CCNDBP1: variants seen among roughly 807,000 people sequenced by gnomAD.
CCNDBP1 encodes cyclin-D1-binding protein 1.
A neutral mutation model predicts 46.2 loss-of-function variants in CCNDBP1; 45 were observed. The observed-to-expected ratio is 0.97, with a 90% CI of 0.77 to 1.25. CCNDBP1 has a LOEUF of 1.25. Among genes scored for constraint, CCNDBP1 ranks in the 50% most tolerant of loss-of-function variants. The probability of loss-of-function intolerance (pLI) is 0.00; values close to 1 mark genes in which losing one functional copy is unlikely to be tolerated. For synonymous variants in CCNDBP1, 154 were observed against 163.6 expected, an observed-to-expected ratio of 0.94 and a Z score of 0.45; for missense variants, 436 against 442.1, an observed-to-expected ratio of 0.99 and a Z score of 0.12.
In CCNDBP1 at chr15:43,192,771, C is replaced by T. The variant is rs751800914; in HGVS notation, c.889C>T (p.Pro297Ser). 34 of 1,613,962 alleles carry T rather than the reference C, an allele frequency of 2.1e-5. No individual in the cohort carries two copies. Among genetic ancestry groups the T allele is most frequent in the Non-Finnish European group, 2.6e-5 (31 of 1,179,996 alleles). Residue 297 changes from proline (P) to serine (S), a missense_variant, in exon 9 of 11, where the codon CCA (proline) becomes TCA (serine). Coordinates refer to ENST00000300213, the MANE Select transcript of CCNDBP1 (RefSeq NM_012142.5). Reference protein sequence around the residue: ...SVDDLALSIYPPMCHLTVRIN... With the variant: ...SVDDLALSIYSPMCHLTVRIN... ...GGATGATTTGGCTCTGAGCATATAT[C>T]CACCTATGTGTCACCTGACCGTGCG...
Position 43,185,462 on chromosome 15 carries a change from G to C in CCNDBP1, c.-37G>C, listed in dbSNP as rs1377925020. The C allele has an allele frequency of 6.7e-7, 1 of 1,486,780 alleles. No homozygotes were observed. The highest frequency in any genetic ancestry group is 1.9e-5 in the Admixed American group (1 of 51,764). 92.1% of individuals were successfully genotyped at this position (1,486,780 alleles called of 1,614,324 possible). A position where few individuals can be genotyped will look rare whatever the true frequency, so the allele number is the denominator to read the frequency against. On this transcript the variant is annotated 5_prime_UTR_variant, in exon 1 of 11. Transcript: ENST00000300213. ...GCAGTGCGGCTCCGGCAGTGGCAGC[G>C]GAGGCCTGTGTTTGCGGCCTTCGGC...
intron 10 of CCNDBP1, 51 bp from the exon 11 acceptor site, chr15:43,194,676 C>T (rs772611846): frequency 1.5e-5 from 21 of 1,394,910 alleles, no homozygotes; most frequent in Admixed American, 8.7e-5. Context: ...GATAGGTTTT[C>T]CCTTGACATC....
rs774754135 is a variant in CCNDBP1 at position 43,187,999 on chromosome 15, TTTG to T, written c.250-1185_250-1183del. Among the ~76,000 whole-genome samples the T allele has an allele frequency of 4.9e-4, 74 of 152,226 alleles. 1 individual carries two copies. Among genetic ancestry groups the T allele is most frequent in the South Asian group, 3.3e-3 (16 of 4,816 alleles). On this transcript the variant is annotated intron_variant, in intron 3 of 10. Transcript: ENST00000300213. ...AAAGATGGGTGGTTGTTGGTTTTTT[TTTG>T]TTGTTGTTGTTGTTTTTTAAATTCC...
intron 3 of CCNDBP1, among the ~76,000 whole-genome samples, chr15:43,187,187 T>C (rs2041865596): frequency 6.6e-6 from 1 of 152,162 alleles, no homozygotes; most frequent in Non-Finnish European, 1.5e-5. Flanking sequence ...TCAGTCTACA[T>C]ATATAGGTGT....
rs773610795 is a variant in CCNDBP1, at chr15:43,190,963, T to C, written c.503-3T>C. 3.1e-6 allele frequency: 5 copies of C among 1,613,000 alleles called. No homozygotes were observed. In the Admixed American group the frequency reaches 5.0e-5, roughly 16 times the overall value. On this transcript the variant is annotated splice_polypyrimidine_tract_variant and splice_region_variant and intron_variant, in intron 6 of 10. Coordinates refer to ENST00000300213, the MANE Select transcript of CCNDBP1 (RefSeq NM_012142.5). ...TCTAGTGCTTCTGATTTTTCACTCA[T>C]AGATAACAAAGCTGCAGCTCTTTTG...
At chr15:43,191,154 C>T in intron 7 of CCNDBP1, 112 bp downstream of exon 7, 2 of 898,000 alleles carry the variant, frequency 2.2e-6, no homozygotes, top group South Asian at 2.9e-5. Context: ...CACTACTGTC[C>T]TCTGTCTTCC....
At chr15:43,186,921 A>G (rs1442785548) in intron 3 of CCNDBP1, among the ~76,000 whole-genome samples, 1 of 152,248 alleles carries the variant, frequency 6.6e-6, no homozygotes, top group Non-Finnish European at 1.5e-5. Flanking sequence ...CAGTGTCGTG[A>G]TGAATTACCT....
In CCNDBP1 at chr15:43,186,013, C is replaced by G. The variant is rs1325983596; in HGVS notation, c.169+134C>G. On this transcript the variant is annotated intron_variant, in intron 2 of 10. Transcript: ENST00000300213. Reference sequence around the variant, plus strand: ...TTTCTGTGAGGTACCTTACCCACCTCAGCACCTGAGAGGGTGAAATAGAAT... The same window carrying G: ...TTTCTGTGAGGTACCTTACCCACCTGAGCACCTGAGAGGGTGAAATAGAAT... The G allele has an allele frequency of 4.3e-6, 5 of 1,159,324 alleles. No individual in the cohort carries two copies. The African/African-American group carries it at 7.6e-5, about 18-fold the overall frequency. The allele number at this position is 1,159,324 out of a possible 1,614,324, so 71.8% of individuals were successfully genotyped here. A position where few individuals can be genotyped will look rare whatever the true frequency, so the allele number is the denominator to read the frequency against.
intron 8 of CCNDBP1, among the ~76,000 whole-genome samples, chr15:43,191,936 A>G (rs542573527): frequency 5.3e-5 from 8 of 152,340 alleles, no homozygotes; most frequent in African/African-American, 1.9e-4. Flanking sequence ...AATTGCAGAC[A>G]GCAATGACAT....
At chr15:43,190,889 G>A in intron 6 of CCNDBP1, 77 bp from the exon 7 acceptor site, 2 of 1,166,368 alleles carry the variant, frequency 1.7e-6, no homozygotes, top group Non-Finnish European at 2.6e-6. Flanking sequence ...TAGGAACAAT[G>A]TGATTGTTCC....
chr15:43,191,260 A>C (rs2041945365), intron 7 of CCNDBP1, 135 bp from the exon 8 acceptor site: 2 of 955,106 alleles, frequency 2.1e-6, no homozygotes, highest in South Asian at 3.5e-5. Context: ...AAGTGATTCA[A>C]CTCTGTAGCC....
intron 3 of CCNDBP1, chr15:43,188,602 T>G (rs2041890321): frequency 6.6e-6 from 1 of 152,288 alleles, no homozygotes; most frequent in Non-Finnish European, 1.5e-5. Flanking sequence ...TGGTCTAAGA[T>G]ATCATGAATA....
At chr15:43,190,550 TACTTTTTGTCA>T in intron 6 of CCNDBP1, 152 bp downstream of exon 6, 1 of 617,562 alleles carries the variant, frequency 1.6e-6, no homozygotes, top group Non-Finnish European at 2.8e-6. Flanking sequence ...TAGGTATTAA[TACTTTTTGTCA>T]TTCTCTAGTT....
At position 43,197,052 on chromosome 15, in the gene CCNDBP1, C is replaced by T. The variant is rs1480255444; in HGVS notation, c.*2211C>T. On this transcript the variant is annotated 3_prime_UTR_variant, in exon 11 of 11. Coordinates refer to ENST00000300213, the MANE Select transcript of CCNDBP1 (RefSeq NM_012142.5). ...CCCTACCCCTCAACCCATTCTTGCC[C>T]TGTGATCTCTGCTCACGTTGCCTCC... The T allele has an allele frequency of 9.9e-6, 5 of 507,024 alleles. No individual in the cohort carries two copies. Among genetic ancestry groups the T allele is most frequent in the Non-Finnish European group, 1.8e-5 (5 of 281,728 alleles). 31.4% of individuals were successfully genotyped at this position (507,024 alleles called of 1,614,324 possible).
At chr15:43,193,551 T>G (rs2041994461) in intron 9 of CCNDBP1, among the ~76,000 whole-genome samples, 1 of 152,140 alleles carries the variant, frequency 6.6e-6, no homozygotes, top group African/African-American at 2.4e-5. Flanking sequence ...AGAAACATAC[T>G]CTGTTCTAAT....
At chr15:43,191,950 A>C (rs1309613622) in intron 8 of CCNDBP1, among the ~76,000 whole-genome samples, 4 of 152,070 alleles carry the variant, frequency 2.6e-5, no homozygotes, top group Non-Finnish European at 1.5e-5. Flanking sequence ...ATGACATTTC[A>C]CCCCTAAATA....
At chr15:43,190,513 A>G (rs892636779) in intron 6 of CCNDBP1, 115 bp downstream of exon 6, 1 of 696,318 alleles carries the variant, frequency 1.4e-6, no homozygotes, top group African/African-American at 1.8e-5. Flanking sequence ...AGTGAAATAT[A>G]TATATTTTAT....
At chr15:43,185,966 A>G (rs940756047) in intron 2 of CCNDBP1, 87 bp downstream of exon 2, 1 of 1,355,314 alleles carries the variant, frequency 7.4e-7, no homozygotes, top group East Asian at 2.4e-5. Flanking sequence ...CACGGAGGGG[A>G]CTGCTCTCCC....
At chr15:43,186,563 T>C (rs1596387481) in intron 3 of CCNDBP1, among the ~76,000 whole-genome samples, 1 of 152,290 alleles carries the variant, frequency 6.6e-6, no homozygotes, top group East Asian at 1.9e-4. Flanking sequence ...GCTCAGAAGC[T>C]CAGCTTAAGA....
Sources: allele counts gnomAD v4.1 joint callset (sites outside exome capture counted in the v4.1 genomes callset), GRCh38; gene constraint gnomAD v4.1.1; transcripts MANE v1.5; gene names NCBI Gene and HGNC (gene_info 2026-07-23, HGNC 2026-07-21).